The following SERGEF variants were observed in gnomAD, a reference collection of about 807,000 sequenced individuals.
SERGEF encodes the protein secretion regulating guanine nucleotide exchange factor.
SERGEF carries 51 observed loss-of-function variants against 50.0 expected under a neutral mutation model. The ratio of observed to expected loss-of-function variants is 1.02; its 90% confidence interval spans 0.81 to 1.29. The LOEUF is 1.29. Ranked by LOEUF, SERGEF falls within the 50% of genes most tolerant of loss-of-function variation. The probability of loss-of-function intolerance (pLI) is 0.00; values close to 1 mark genes in which losing one functional copy is unlikely to be tolerated. For synonymous variants in SERGEF, 205 were observed against 212.4 expected, an observed-to-expected ratio of 0.97 and a Z score of 0.30; for missense variants, 521 against 557.0, an observed-to-expected ratio of 0.94 and a Z score of 0.65.
chr11:17,981,220 G>C (rs1853489637), intron 8 of SERGEF, among the ~76,000 whole-genome samples: 1 of 152,142 alleles, frequency 6.6e-6, no homozygotes. Flanking sequence ...AGGTGGTTCT[G>C]GATTTTATAT....
At chr11:17,995,032 A>G (rs1014680912) in intron 6 of SERGEF, among the ~76,000 whole-genome samples, 1 of 152,166 alleles carries the variant, frequency 6.6e-6, no homozygotes. Flanking sequence ...AAGGGAGAAG[A>G]GGAGGAAATG....
intron 9 of SERGEF, among the ~76,000 whole-genome samples, chr11:17,947,603 G>A (rs904032248): frequency 6.6e-6 from 1 of 152,136 alleles, no homozygotes; most frequent in Non-Finnish European, 1.5e-5. Context: ...GGCACATCTG[G>A]ACTTCTAGGA....
chr11:17,920,305 C>T (rs545302863), intron 9 of SERGEF, among the ~76,000 whole-genome samples: 1 of 152,242 alleles, frequency 6.6e-6, no homozygotes, highest in South Asian at 2.1e-4. Flanking sequence ...CCTAAAATCC[C>T]TTACCCTGCT....
intron 8 of SERGEF, among the ~76,000 whole-genome samples, chr11:17,988,061 G>A (rs1045131148): frequency 6.6e-6 from 1 of 152,148 alleles, no homozygotes; most frequent in African/African-American, 2.4e-5. Context: ...AAAAGATGAA[G>A]ATGCCAAAAG....
chr11:17,842,533 T>A (rs915054842), intron 10 of SERGEF, among the ~76,000 whole-genome samples: 5 of 152,336 alleles, frequency 3.3e-5, no homozygotes, highest in Non-Finnish European at 7.3e-5. Flanking sequence ...TATACATTAC[T>A]AGCCCTTTTT....
chr11:17,950,434 G>T (rs913347448), intron 9 of SERGEF, among the ~76,000 whole-genome samples: 2 of 152,144 alleles, frequency 1.3e-5, no homozygotes, highest in African/African-American at 4.8e-5. Context: ...TGTATTATGG[G>T]AATAAATGTT....
At chr11:17,918,833 G>C in intron 9 of SERGEF, 1 of 389,478 alleles carries the variant, frequency 2.6e-6, no homozygotes, top group South Asian at 2.0e-5. Context: ...GCAAAGGGAA[G>C]AGTGTGAGCA....
chr11:17,918,846 G>A, intron 9 of SERGEF: 1 of 346,748 alleles, frequency 2.9e-6, no homozygotes, highest in Non-Finnish European at 5.6e-6. Flanking sequence ...TGTGAGCAAA[G>A]GTATAAATGT....
intron 10 of SERGEF, among the ~76,000 whole-genome samples, chr11:17,846,932 T>C (rs1332547689): frequency 6.6e-6 from 1 of 152,200 alleles, no homozygotes; most frequent in Non-Finnish European, 1.5e-5. Context: ...CAAGAGCCTC[T>C]GTGTCTTAGA....
At chr11:17,894,384 T>G (rs1645170450) in intron 9 of SERGEF, among the ~76,000 whole-genome samples, 1 of 152,182 alleles carries the variant, frequency 6.6e-6, no homozygotes, top group Admixed American at 6.5e-5. Context: ...TTTTATAGAT[T>G]AACTGAGAAA....
At chr11:18,006,419 A>G (rs1590249173) in intron 3 of SERGEF, among the ~76,000 whole-genome samples, 172 bp downstream of exon 3, 1 of 152,050 alleles carries the variant, frequency 6.6e-6, no homozygotes, top group Non-Finnish European at 1.5e-5. Context: ...CAAGTGATAC[A>G]CCTGCCTTGG....
At chr11:17,845,062 G>A (rs2033757370) in intron 10 of SERGEF, among the ~76,000 whole-genome samples, 1 of 152,160 alleles carries the variant, frequency 6.6e-6, no homozygotes, top group African/African-American at 2.4e-5. Context: ...ATGAGTGTAG[G>A]TAGGCCCTTC....
chr11:17,851,331 G>A (rs1320963064), intron 10 of SERGEF, among the ~76,000 whole-genome samples: 1 of 152,136 alleles, frequency 6.6e-6, no homozygotes, highest in East Asian at 1.9e-4. Context: ...GATTTGAAAT[G>A]CAGTGCCCTT....
chr11:17,867,033 C>A (rs1311357619), intron 10 of SERGEF, among the ~76,000 whole-genome samples: 1 of 152,158 alleles, frequency 6.6e-6, no homozygotes, highest in Non-Finnish European at 1.5e-5. Context: ...AAGATGAGAT[C>A]TGGGACACAG....
chr11:17,945,725 T>C (rs1317365500), intron 9 of SERGEF, among the ~76,000 whole-genome samples: 1 of 152,100 alleles, frequency 6.6e-6, no homozygotes, highest in Non-Finnish European at 1.5e-5. Context: ...GGCAGGCGGA[T>C]TACCTGGGGT....
chr11:17,870,258 T>C (rs1176657728), intron 10 of SERGEF, among the ~76,000 whole-genome samples: 1 of 152,206 alleles, frequency 6.6e-6, no homozygotes, highest in South Asian at 2.1e-4. Flanking sequence ...TCTTGGGCAG[T>C]TATTTACAGC....
At chr11:17,995,212 G>A (rs746809272) in intron 6 of SERGEF, among the ~76,000 whole-genome samples, 7 of 152,150 alleles carry the variant, frequency 4.6e-5, no homozygotes, top group African/African-American at 1.4e-4. Flanking sequence ...CCTACTCCTC[G>A]TATTTTCGCG....
chr11:18,012,949 AC>A lies in SERGEF; in HGVS notation c.60+1del. ...CACCGGCCCGGGGGCGGAGTCACGT[AC>A]CCAGGCGAAGAGCGCGGCCGCCGCG... On this transcript the variant is annotated splice_donor_variant, in intron 1 of 10. Transcript: ENST00000265965. LOFTEE classifies it high-confidence loss of function. The A allele has an allele frequency of 9.3e-6, 14 of 1,501,904 alleles. No homozygotes were observed. The highest frequency in any genetic ancestry group is 1.2e-5 in the Non-Finnish European group (14 of 1,134,706). 93.0% of individuals were successfully genotyped at this position (1,501,904 alleles called of 1,614,324 possible).
At position 17,886,331 on chromosome 11, in the gene SERGEF, T is replaced by C. The variant is rs373252767; in HGVS notation, c.1012-8087A>G. Among the ~76,000 whole-genome samples, 22 of 152,286 alleles carry C rather than the reference T, an allele frequency of 1.4e-4. No individual in the cohort carries two copies. The East Asian group carries it at 1.7e-3, about 12-fold the overall frequency. ...GTTCACTATGAAGAGTTCTTCAAGC[T>C]GGACACGGTGGCACACATCTGTAAT... On this transcript the variant is annotated intron_variant, in intron 9 of 10. Transcript: ENST00000265965.
Sources: allele counts gnomAD v4.1 joint callset (sites outside exome capture counted in the v4.1 genomes callset), GRCh38; gene constraint gnomAD v4.1.1; transcripts MANE v1.5; gene names NCBI Gene and HGNC (gene_info 2026-07-23, HGNC 2026-07-21).